The following MMEL1 variants were observed in gnomAD, a reference collection of about 807,000 sequenced individuals.
MMEL1 encodes the protein membrane metallo-endopeptidase-like 1.
Under a neutral mutation model 117.1 loss-of-function variants are expected in MMEL1, and 98 were observed. The observed-to-expected ratio is 0.84, with a 90% confidence interval of 0.71 to 0.99. MMEL1 has a LOEUF of 0.99. Among genes scored for constraint, MMEL1 ranks in the 50% least tolerant of loss-of-function variants. The pLI is 0.00. For synonymous variants in MMEL1, 390 were observed against 415.1 expected (o/e 0.94, Z 0.74); for missense variants, 1,014 against 1,049.1 (o/e 0.97, Z 0.46).
chr1:2,629,217 C>T lies in MMEL1; in HGVS notation c.154+114G>A, dbSNP rs954736454. 191 of 1,203,740 alleles carry T rather than the reference C, an allele frequency of 1.6e-4. 1 individual carries two copies. Among genetic ancestry groups the T allele is most frequent in the Middle Eastern group, 1.4e-3 (5 of 3,462 alleles). The allele number at this position is 1,203,740 out of a possible 1,614,324, so 74.6% of individuals were successfully genotyped here. ...TGGGTGCCCAGTGCAGACCCACCTG[C>T]CCCATCTGACGGGCGGGCTCGGGCT... On this transcript the variant is annotated intron_variant, in intron 2 of 23. Transcript: ENST00000378412.
chr1:2,629,555 G>T (rs1024790786), intron 1 of MMEL1, 34 bp from the exon 2 acceptor site: 3 of 1,383,118 alleles, frequency 2.2e-6, no homozygotes, highest in Non-Finnish European at 2.8e-6. Flanking sequence ...GGGGAGAGGG[G>T]CGTGGAGCTC....
In MMEL1 at chr1:2,629,536, C is replaced by CAGGGGAG. The variant is rs559249154; in HGVS notation, c.-37-22_-37-16dup. 22,735 of 1,417,342 alleles carry CAGGGGAG rather than the reference C, an allele frequency of 0.016. 238 individuals carry two copies. Among genetic ancestry groups the CAGGGGAG allele is most frequent in the Non-Finnish European group, 0.018 (19,923 of 1,084,440 alleles). 87.8% of individuals were successfully genotyped at this position (1,417,342 alleles called of 1,614,324 possible). On this transcript the variant is annotated splice_polypyrimidine_tract_variant and intron_variant, in intron 1 of 23. Coordinates refer to ENST00000378412, the MANE Select transcript of MMEL1 (RefSeq NM_033467.4). ...CGCGGAGGAACCTGCAGGCCCAGGG[C>CAGGGGAG]AGGGGAGAGGGGAGAGGGGCGTGGA...
chr1:2,611,284 C>T lies in MMEL1; in HGVS notation c.289G>A (p.Ala97Thr). ...EVCTTPGCVIAAARILQNMDP... is the reference protein window; with the variant it reads ...EVCTTPGCVITAARILQNMDP... ...ACGGCAAGGGGGCGGGGCTTACCTG[C>T]TATCACGCAGCCAGGGGTGGTGCAG... The change falls in exon 4 of 24, where the codon GCA (alanine) becomes ACA (threonine). Residue 97 changes from alanine to threonine, a missense_variant. Physicochemically the swap from Ala to Thr is moderately conservative, Grantham distance 58 (BLOSUM62 0). Transcript: ENST00000378412. 6.3e-7 allele frequency: 1 copy of T among 1,579,194 alleles called. No individual in the cohort carries two copies. Among genetic ancestry groups the T allele is most frequent in the African/African-American group, 1.4e-5 (1 of 73,362 alleles).
chr1:2,619,147 G>A (rs188593266), intron 2 of MMEL1, among the ~76,000 whole-genome samples: 2 of 152,270 alleles, frequency 1.3e-5, no homozygotes, highest in Admixed American at 1.3e-4. Flanking sequence ...CCAGGAGAGG[G>A]ATCTGCGCAG....
chr1:2,598,627 C>G (rs775968796), intron 12 of MMEL1, 27 bp downstream of exon 12: 3 of 1,612,968 alleles, frequency 1.9e-6, no homozygotes, highest in South Asian at 1.1e-5. Context: ...GATGCTGAGG[C>G]CTTTGGAGAC....
At chr1:2,626,898 AAC>A (rs1638305908) in intron 2 of MMEL1, among the ~76,000 whole-genome samples, 1 of 152,374 alleles carries the variant, frequency 6.6e-6, no homozygotes, top group Admixed American at 6.5e-5. Flanking sequence ...CACAATAGGA[AAC>A]ACATACATTT....
chr1:2,629,124 C>A (rs1381813555), intron 2 of MMEL1, among the ~76,000 whole-genome samples: 2 of 152,104 alleles, frequency 1.3e-5, no homozygotes, highest in African/African-American at 4.8e-5. Flanking sequence ...TGGAAGGGAC[C>A]GCGGGCTCCC....
In MMEL1 at chr1:2,624,158, C is replaced by G. The variant is rs1218121394; in HGVS notation, c.154+5173G>C. On this transcript the variant is annotated intron_variant, in intron 2 of 23. Coordinates refer to ENST00000378412, the MANE Select transcript of MMEL1 (RefSeq NM_033467.4). ...CCCCACCTCCAGCCCGAGCCTAGTACTGACCAGCAACAGCAACTCACCACT... is the reference window on the plus strand; with the variant it reads ...CCCCACCTCCAGCCCGAGCCTAGTAGTGACCAGCAACAGCAACTCACCACT... Among the ~76,000 whole-genome samples the G allele has an allele frequency of 5.3e-5, 8 of 152,348 alleles. No individual in the cohort carries two copies. In the East Asian group the frequency reaches 1.5e-3, roughly 29 times the overall value.
intron 9 of MMEL1, among the ~76,000 whole-genome samples, 190 bp downstream of exon 9, chr1:2,605,368 C>G (rs562119066): frequency 2.0e-5 from 3 of 152,268 alleles, no homozygotes; most frequent in Non-Finnish European, 4.4e-5. Flanking sequence ...GTTGAGGGAA[C>G]GTCCCCCAGG....
At chr1:2,591,339 C>CAGCCTGCGGGGG in intron 23 of MMEL1, 7 of 600,488 alleles carry the variant, frequency 1.2e-5, no homozygotes, top group Non-Finnish European at 1.8e-5. Flanking sequence ...GAAACATTCG[C>CAGCCTGCGGGGG]AGCCTGCGGT....
chr1:2,608,900 C>T (rs1645077118), intron 6 of MMEL1, among the ~76,000 whole-genome samples: 1 of 93,538 alleles, frequency 1.1e-5, no homozygotes, highest in South Asian at 4.4e-4. Context: ...TAGATACATG[C>T]ATGAACACAT....
At chr1:2,616,668 A>G (rs1018577682) in intron 2 of MMEL1, among the ~76,000 whole-genome samples, 1 of 152,240 alleles carries the variant, frequency 6.6e-6, no homozygotes, top group Non-Finnish European at 1.5e-5. Context: ...ATTGGTGGGC[A>G]GGAATGATGA....
chr1:2,620,888 C>T (rs932971110), intron 2 of MMEL1, among the ~76,000 whole-genome samples: 2 of 151,922 alleles, frequency 1.3e-5, no homozygotes, highest in Non-Finnish European at 2.9e-5. Flanking sequence ...CCAAAGTTAA[C>T]CTGAAAAACG....
intron 9 of MMEL1, among the ~76,000 whole-genome samples, chr1:2,604,830 A>T (rs1644996216): frequency 6.6e-6 from 1 of 152,116 alleles, no homozygotes; most frequent in Admixed American, 6.5e-5. Flanking sequence ...GCCTGGTCTG[A>T]ACACATGGCC....
rs28731053 is a variant in MMEL1 at position 2,629,828 on chromosome 1, C to G, written c.-37-307G>C. 276 of 212,664 alleles carry G rather than the reference C, an allele frequency of 1.3e-3. 1 individual carries two copies. The highest frequency in any genetic ancestry group is 5.7e-3 in the African/African-American group (238 of 41,630). The allele number at this position is 212,664 out of a possible 1,614,324, so 13.2% of individuals were successfully genotyped here. On this transcript the variant is annotated intron_variant, in intron 1 of 23. Coordinates refer to ENST00000378412, the MANE Select transcript of MMEL1 (RefSeq NM_033467.4). ...GGGACTCCTGTAGTGGAGCCCCCCC[C>G]CTGGGCTGCTCATGCTGGTTGTCTT...
intron 2 of MMEL1, among the ~76,000 whole-genome samples, chr1:2,614,724 T>C (rs1204307217): frequency 6.6e-6 from 1 of 151,944 alleles, no homozygotes; most frequent in African/African-American, 2.4e-5. Context: ...ACCCAGCTCT[T>C]GGTTTCTGTT....
intron 2 of MMEL1, among the ~76,000 whole-genome samples, chr1:2,620,496 C>T (rs375335877): frequency 1.4e-4 from 21 of 152,254 alleles, no homozygotes; most frequent in South Asian, 1.0e-3. Context: ...ACAAGATTCC[C>T]GGGTTTCACT....
At chr1:2,597,843 G>A (rs1020812126) in intron 13 of MMEL1, among the ~76,000 whole-genome samples, 1 of 152,116 alleles carries the variant, frequency 6.6e-6, no homozygotes, top group Non-Finnish European at 1.5e-5. Context: ...GCTGACCACG[G>A]GTCCGGCCCC....
intron 4 of MMEL1, among the ~76,000 whole-genome samples, chr1:2,610,291 C>T (rs75024738): frequency 2.0e-5 from 3 of 152,332 alleles, no homozygotes; most frequent in East Asian, 1.9e-4. Context: ...TGGTCCACCT[C>T]GGCCTCCAGA....
Sources: gnomAD v4.1 joint callset for allele counts (sites outside exome capture counted in the v4.1 genomes callset) on GRCh38, gnomAD v4.1.1 for gene constraint, MANE v1.5 for transcripts, NCBI Gene and HGNC (gene_info 2026-07-23, HGNC 2026-07-21) for gene names.